PCIF1: variants seen among roughly 807,000 people sequenced by gnomAD.
The protein encoded by PCIF1 is phosphorylated CTD interacting factor 1, also known as mRNA (2'-O-methyladenosine-N(6)-)-methyltransferase.
Under a neutral mutation model 86.9 loss-of-function variants are expected in PCIF1, and 12 were observed. The ratio of observed to expected loss-of-function variants is 0.14; its 90% confidence interval spans 0.09 to 0.22. PCIF1 has a LOEUF of 0.22. Among genes scored for constraint, PCIF1 ranks in the 10% least tolerant of loss-of-function variants. The pLI is 1.00. For synonymous variants in PCIF1, 397 were observed against 372.0 expected (o/e 1.07, Z -0.77); for missense variants, 701 against 951.1 (o/e 0.74, Z 3.46).
rs1373869401 is a variant in PCIF1, at chr20:45,940,631, G to C, written c.387+19G>C. On this transcript the variant is annotated intron_variant, in intron 5 of 16. Coordinates refer to ENST00000372409, the MANE Select transcript of PCIF1 (RefSeq NM_022104.4). Reference sequence around the variant, plus strand: ...GCCCAAGGTGAGTGTCTGTGGCCAGGAGCCGGCTGCCGAGCGGCCGGCTCA... The same window carrying C: ...GCCCAAGGTGAGTGTCTGTGGCCAGCAGCCGGCTGCCGAGCGGCCGGCTCA... The C allele has an allele frequency of 6.3e-6, 10 of 1,593,096 alleles. No homozygotes were observed. The highest frequency in any genetic ancestry group is 6.0e-6 in the Non-Finnish European group (7 of 1,171,234).
At chr20:45,944,169 A>G (rs2083500921) in intron 10 of PCIF1, among the ~76,000 whole-genome samples, 1 of 152,058 alleles carries the variant, frequency 6.6e-6, no homozygotes, top group South Asian at 2.1e-4. Context: ...TGTGTCCAAA[A>G]CAGTTCTGTT....
intron 1 of PCIF1, among the ~76,000 whole-genome samples, chr20:45,936,210 T>C (rs2083424126): frequency 6.6e-6 from 1 of 152,150 alleles, no homozygotes; most frequent in South Asian, 2.1e-4. Flanking sequence ...AGTCTTGCTC[T>C]GTCGCCTGGG....
chr20:45,934,923 C>T (rs999536819), intron 1 of PCIF1, 119 bp downstream of exon 1: 2 of 396,548 alleles, frequency 5.0e-6, no homozygotes, highest in Non-Finnish European at 4.4e-6. Flanking sequence ...TGCCCTGTCT[C>T]TGTTGCCGCC....
chr20:45,934,800 G>A lies in PCIF1; in HGVS notation c.-192G>A, dbSNP rs1276452859. 5.0e-6 allele frequency: 2 copies of A among 398,162 alleles called. No homozygotes were observed. The highest frequency in any genetic ancestry group is 8.9e-6 in the Non-Finnish European group (2 of 225,812). 24.7% of individuals were successfully genotyped at this position (398,162 alleles called of 1,614,324 possible). The stretch of plus-strand genomic sequence containing the variant: ...GCCGCGTCCCCTCCAGTCCGCTCCG[G>A]GCAGGTAAGAGTCCCAGGAAGCCAT... On this transcript the variant is annotated 5_prime_UTR_variant, in exon 1 of 17. Transcript: ENST00000372409.
At position 45,944,845 on chromosome 20, in the gene PCIF1, C is replaced by T. The variant is rs765318535; in HGVS notation, c.1006-23C>T. 39 of 1,603,120 alleles carry T rather than the reference C, an allele frequency of 2.4e-5. No homozygotes were observed. In the African/African-American group the frequency reaches 4.8e-4, roughly 20 times the overall value. On this transcript the variant is annotated intron_variant, in intron 10 of 16. Coordinates refer to ENST00000372409, the MANE Select transcript of PCIF1 (RefSeq NM_022104.4). The stretch of plus-strand genomic sequence containing the variant: ...AGCCCCTCTGGCCTCCACTAGCGCC[C>T]TGATCCAGAATGTGTCCTCTAGGAT...
intron 5 of PCIF1, 58 bp downstream of exon 5, chr20:45,940,670 C>A: frequency 6.3e-7 from 1 of 1,576,438 alleles, no homozygotes. Context: ...GGGCCGCCTG[C>A]AGGCTCCCTG....
chr20:45,943,592 G>A lies in PCIF1; in HGVS notation c.906-74G>A. 7.0e-7 allele frequency: 1 copy of A among 1,435,974 alleles called. No homozygotes were observed. Among genetic ancestry groups the A allele is most frequent in the Non-Finnish European group, 9.6e-7 (1 of 1,044,838 alleles). 89.0% of individuals were successfully genotyped at this position (1,435,974 alleles called of 1,614,324 possible). ...GATGGAAGCTAGGGGTTGATACCCA[G>A]CGAGCCCATGGAATTGGGATGAGGA... On this transcript the variant is annotated intron_variant, in intron 9 of 16. Transcript: ENST00000372409. The surrounding 1 kb of genome is among the most constrained non-coding windows in gnomAD (Gnocchi z 5.5).
intron 6 of PCIF1, 55 bp downstream of exon 6, chr20:45,940,994 G>A: frequency 6.2e-7 from 1 of 1,614,128 alleles, no homozygotes; most frequent in Non-Finnish European, 8.5e-7. Context: ...AGCCTGTCTG[G>A]GACTGTGGGG....
intron 4 of PCIF1, 111 bp from the exon 5 acceptor site, chr20:45,940,364 C>T: frequency 1.5e-6 from 2 of 1,341,218 alleles, no homozygotes; most frequent in Non-Finnish European, 2.0e-6. Context: ...CCCAGCTCCT[C>T]TGCTCTTCCC....
intron 10 of PCIF1, among the ~76,000 whole-genome samples, chr20:45,944,582 T>C (rs974015397): frequency 6.6e-6 from 1 of 152,242 alleles, no homozygotes; most frequent in Non-Finnish European, 1.5e-5. Context: ...CAAAAGCTAC[T>C]GGCATTTATT....
intron 1 of PCIF1, among the ~76,000 whole-genome samples, chr20:45,936,734 C>G (rs2083429781): frequency 6.6e-6 from 1 of 151,788 alleles, no homozygotes; most frequent in Admixed American, 6.6e-5. Context: ...AGTTCGAGAC[C>G]AGCCTGGCCA....
At chr20:45,935,404 T>A (rs998087035) in intron 1 of PCIF1, among the ~76,000 whole-genome samples, 1 of 152,192 alleles carries the variant, frequency 6.6e-6, no homozygotes, top group African/African-American at 2.4e-5. Flanking sequence ...TTGTTTATCC[T>A]TGAGCAGCGG....
intron 10 of PCIF1, 60 bp from the exon 11 acceptor site, chr20:45,944,808 C>A: frequency 6.4e-7 from 1 of 1,552,768 alleles, no homozygotes; most frequent in Admixed American, 1.8e-5. Context: ...CGGTTACCTG[C>A]CAGCCCAGCT....
rs190104811 is a variant in PCIF1 at position 45,942,708 on chromosome 20, G to A, written c.674-389G>A. Among the ~76,000 whole-genome samples the A allele has an allele frequency of 3.0e-3, 452 of 150,526 alleles. 1 individual carries two copies. The highest frequency in any genetic ancestry group is 0.01 in the African/African-American group (412 of 40,896). On this transcript the variant is annotated intron_variant, in intron 7 of 16. Transcript: ENST00000372409. ...CAGCTCACAGCAGCTTCAGCCACCC[G>A]GGTTCAAGCGATCCTCCCGCCTCAG...
At chr20:45,934,924 T>G (rs1031936417) in intron 1 of PCIF1, 120 bp downstream of exon 1, 142 of 396,018 alleles carry the variant, frequency 3.6e-4, no homozygotes, top group Admixed American at 7.1e-4. Context: ...GCCCTGTCTC[T>G]GTTGCCGCCG....
At chr20:45,937,156 C>T (rs759845076) in intron 1 of PCIF1, among the ~76,000 whole-genome samples, 1 of 152,214 alleles carries the variant, frequency 6.6e-6, no homozygotes, top group Non-Finnish European at 1.5e-5. Flanking sequence ...AATTTTAAGA[C>T]AGTGACGGCA....
intron 1 of PCIF1, among the ~76,000 whole-genome samples, chr20:45,935,445 C>T (rs1278333188): frequency 6.6e-6 from 1 of 152,008 alleles, no homozygotes; most frequent in Non-Finnish European, 1.5e-5. Flanking sequence ...GCGTGGGGGT[C>T]GGGAAGCCAC....
rs1008009106 is a variant in PCIF1 at position 45,934,727 on chromosome 20, G to A, written c.-265G>A. The A allele has an allele frequency of 2.5e-5, 10 of 398,870 alleles. No individual in the cohort carries two copies. The highest frequency in any genetic ancestry group is 4.4e-5 in the Non-Finnish European group (10 of 226,106). 24.7% of individuals were successfully genotyped at this position (398,870 alleles called of 1,614,324 possible). On this transcript the variant is annotated 5_prime_UTR_variant, in exon 1 of 17. Transcript: ENST00000372409. ...CACAAGATGGCGGCAGCGGCGCTGG[G>A]GAGGGCGAGGCGGAGGCGGCAAAAC... is the stretch of plus-strand genomic sequence containing the variant.
intron 14 of PCIF1, among the ~76,000 whole-genome samples, chr20:45,946,818 T>TGTG: frequency 6.6e-6 from 1 of 152,206 alleles, no homozygotes; most frequent in African/African-American, 2.4e-5. Context: ...TAGCTTCTGC[T>TGTG]GTGGTGGTGG....
Sources: gnomAD v4.1 joint callset for allele counts (sites outside exome capture counted in the v4.1 genomes callset) on GRCh38, gnomAD v4.1.1 for gene constraint, Gnocchi (gnomAD v3.1) non-coding constraint, MANE v1.5 for transcripts, NCBI Gene and HGNC (gene_info 2026-07-23, HGNC 2026-07-21) for gene names.